Variants in STPG2 observed in about 807,000 individuals in gnomAD.
STPG2 encodes the protein sperm-tail PG-rich repeat-containing protein 2.
In STPG2, 56 loss-of-function variants were observed where a neutral mutation model predicts 54.2. The ratio of observed to expected loss-of-function variants is 1.03; its 90% confidence interval spans 0.83 to 1.29. The LOEUF is 1.29. Ranked by LOEUF, STPG2 falls within the 50% of genes most tolerant of loss-of-function variation. STPG2 has a pLI of 0.00. For synonymous variants in STPG2, 200 were observed against 181.8 expected (o/e 1.10, Z -0.81); for missense variants, 596 against 544.9 (o/e 1.09, Z -0.93).
chr4:98,062,880 T>G (rs1210288281), intron 5 of STPG2, among the ~76,000 whole-genome samples: 3 of 151,960 alleles, frequency 2.0e-5, no homozygotes, highest in Non-Finnish European at 4.4e-5. Flanking sequence ...CTGCCTAAAG[T>G]AGTAATTATA....
At chr4:98,011,789 C>A (rs1024083121) in intron 5 of STPG2, among the ~76,000 whole-genome samples, 1 of 152,058 alleles carries the variant, frequency 6.6e-6, no homozygotes, top group African/African-American at 2.4e-5. Context: ...TACCCTTTGC[C>A]CACTTTTTGA....
intron 8 of STPG2, among the ~76,000 whole-genome samples, chr4:97,907,071 C>T (rs1259598604): frequency 3.3e-5 from 5 of 151,920 alleles, no homozygotes; most frequent in African/African-American, 1.2e-4. Flanking sequence ...AAGAGGAAGT[C>T]AAATTGTCCC....
chr4:97,609,708 G>T (rs542297027), intron 10 of STPG2, among the ~76,000 whole-genome samples: 2 of 151,714 alleles, frequency 1.3e-5, no homozygotes, highest in Non-Finnish European at 2.9e-5. Flanking sequence ...CATATATTTC[G>T]AAATTAAAAT....
chr4:97,674,647 A>G (rs1722787154), intron 10 of STPG2, among the ~76,000 whole-genome samples: 1 of 152,214 alleles, frequency 6.6e-6, no homozygotes, highest in South Asian at 2.1e-4. Flanking sequence ...GATTCAAACA[A>G]TCAATCCTTT....
Position 97,559,025 on chromosome 4 carries a change from A to C in STPG2, c.*33T>G. 1 of 1,509,194 alleles carries C rather than the reference A, an allele frequency of 6.6e-7. No homozygotes were observed. Among genetic ancestry groups the C allele is most frequent in the Non-Finnish European group, 9.1e-7 (1 of 1,100,930 alleles). 93.5% of individuals were successfully genotyped at this position (1,509,194 alleles called of 1,614,324 possible). On this transcript the variant is annotated 3_prime_UTR_variant, in exon 11 of 11. Transcript: ENST00000295268. The stretch of plus-strand genomic sequence containing the variant: ...CAAAGAAATAAACTGACTTCCATGA[A>C]GTTGTTTTTTAAGTTTTTGCCATAA...
At chr4:97,878,121 T>C (rs1213276864) in intron 8 of STPG2, among the ~76,000 whole-genome samples, 1 of 152,146 alleles carries the variant, frequency 6.6e-6, no homozygotes, top group Non-Finnish European at 1.5e-5. Context: ...AAGAGGTGGG[T>C]CCCCATGGTC....
intron 8 of STPG2, among the ~76,000 whole-genome samples, chr4:97,847,529 A>G (rs1264461705): frequency 6.6e-6 from 1 of 152,180 alleles, no homozygotes; most frequent in Non-Finnish European, 1.5e-5. Flanking sequence ...ATTGACTGGA[A>G]AACATGATAC....
intron 7 of STPG2, among the ~76,000 whole-genome samples, chr4:97,971,242 G>T (rs1734313746): frequency 6.6e-6 from 1 of 152,118 alleles, no homozygotes; most frequent in South Asian, 2.1e-4. Context: ...AAGACAGTGT[G>T]GCAATTCCTC....
intron 3 of STPG2, among the ~76,000 whole-genome samples, chr4:98,111,782 G>C (rs1203119490): frequency 5.3e-5 from 8 of 152,004 alleles, no homozygotes; most frequent in Admixed American, 5.3e-4. Context: ...CAATGTCGTG[G>C]GCACCTTTCA....
In STPG2 at chr4:97,881,091, G is replaced by GA. The variant is rs773148147; in HGVS notation, c.1045-40160dup. ...TAAAGGAAGTGGGCATACATGTAAA[G>GA]AAAAAAAAAAATGGGATCTAGTCCC... On this transcript the variant is annotated intron_variant, in intron 8 of 10. Coordinates refer to ENST00000295268, the MANE Select transcript of STPG2 (RefSeq NM_174952.3). 9.6e-3 allele frequency among the ~76,000 whole-genome samples: 1,353 copies of GA among 141,110 alleles called. 7 individuals carry two copies. Among genetic ancestry groups the GA allele is most frequent in the Non-Finnish European group, 0.012 (776 of 64,190 alleles). The allele number at this position is 141,110 out of a possible 152,430, so 92.6% of individuals were successfully genotyped here.
intron 5 of STPG2, among the ~76,000 whole-genome samples, chr4:97,988,331 T>TA (rs1734890164): frequency 6.6e-6 from 1 of 152,190 alleles, no homozygotes; most frequent in Non-Finnish European, 1.5e-5. Flanking sequence ...CTGCTTTTTT[T>TA]AACCTTATTA....
chr4:97,528,400 T>C (rs1411305522), intron 4 of STPG2, among the ~76,000 whole-genome samples: 1 of 152,200 alleles, frequency 6.6e-6, no homozygotes, highest in Non-Finnish European at 1.5e-5. Context: ...TTGGTTATTG[T>C]AGCTTTGGAG....
At chr4:97,655,862 A>T (rs1722205762) in intron 10 of STPG2, among the ~76,000 whole-genome samples, 1 of 152,126 alleles carries the variant, frequency 6.6e-6, no homozygotes, top group Admixed American at 6.6e-5. Context: ...GACACTTTTA[A>T]GACCAAGTAG....
intron 5 of STPG2, among the ~76,000 whole-genome samples, chr4:98,036,367 TG>T (rs1271289511): frequency 3.9e-5 from 6 of 152,110 alleles, no homozygotes; most frequent in Admixed American, 2.0e-4. Flanking sequence ...ATATGTTCAC[TG>T]TAACACCATT....
intron 9 of STPG2, among the ~76,000 whole-genome samples, chr4:97,747,500 C>T (rs1322553591): frequency 6.6e-6 from 1 of 151,330 alleles, no homozygotes; most frequent in Admixed American, 6.6e-5. Flanking sequence ...CCTTTACATC[C>T]TTTTACTTGA....
At chr4:97,596,950 C>G (rs755410458) in intron 10 of STPG2, among the ~76,000 whole-genome samples, 2 of 151,146 alleles carry the variant, frequency 1.3e-5, no homozygotes, top group Non-Finnish European at 3.0e-5. Flanking sequence ...GGACGAGAAA[C>G]CACACAAAGA....
intron 3 of STPG2, among the ~76,000 whole-genome samples, chr4:98,116,691 T>C (rs537783537): frequency 2.1e-3 from 314 of 152,024 alleles, no homozygotes; most frequent in Non-Finnish European, 3.5e-3. Flanking sequence ...AATAGGATGA[T>C]GGGACAGTCA....
intron 5 of STPG2, among the ~76,000 whole-genome samples, chr4:98,002,994 T>A (rs1319806617): frequency 1.3e-5 from 2 of 152,102 alleles, no homozygotes; most frequent in African/African-American, 4.8e-5. Flanking sequence ...TATATGCAAC[T>A]CAATGGTGGG....
chr4:97,677,644 G>T (rs1248699039), intron 10 of STPG2, among the ~76,000 whole-genome samples: 1 of 152,110 alleles, frequency 6.6e-6, no homozygotes, highest in African/African-American at 2.4e-5. Context: ...CCTTCAAAAG[G>T]ACAAGAGCAA....
Sources: allele counts gnomAD v4.1 joint callset (sites outside exome capture counted in the v4.1 genomes callset), GRCh38; gene constraint gnomAD v4.1.1; transcripts MANE v1.5; gene names NCBI Gene and HGNC (gene_info 2026-07-23, HGNC 2026-07-21).